SLC43A3: variants seen among roughly 807,000 people sequenced by gnomAD.
The protein encoded by SLC43A3 is equilibrative nucleobase transporter 1.
SLC43A3 carries 33 observed loss-of-function variants against 53.3 expected under a neutral mutation model. That is an observed-to-expected ratio of 0.62 (90% CI 0.47 to 0.83). SLC43A3 has a LOEUF of 0.83. Among genes scored for constraint, SLC43A3 ranks in the 40% least tolerant of loss-of-function variants. SLC43A3 has a pLI of 0.00. For missense variants in SLC43A3, 530 were observed against 610.0 expected, an observed-to-expected ratio of 0.87 and a Z score of 1.38; for synonymous variants, 236 against 246.2, an observed-to-expected ratio of 0.96 and a Z score of 0.39.
intron 11 of SLC43A3, among the ~76,000 whole-genome samples, chr11:57,413,992 G>A (rs559875181): frequency 7.4e-4 from 113 of 152,256 alleles, no homozygotes; most frequent in African/African-American, 2.5e-3. Flanking sequence ...GATTATGTGC[G>A]CTTCTTTGTG....
Position 57,414,629 on chromosome 11 carries a change from T to G in SLC43A3, c.1046A>C (p.Glu349Ala), listed in dbSNP as rs761955034. ...CCGCATCTCACCTGTCTTTCTTGCTTCCTTCTGGTACTTCTGTTTAAGCCG... is the reference window on the plus strand; with the variant it reads ...CCGCATCTCACCTGTCTTTCTTGCTGCCTTCTGGTACTTCTGTTTAAGCCG... ...MDRLKQKYQK[E>A]ARKTGSSTLA... Residue 349 changes from glutamate (E) to alanine (A), a missense_variant, in exon 11 of 14, where the codon GAA becomes GCA. By Grantham distance (107) the Glu-to-Ala change is moderately radical. Around this residue, in one of 3 missense-constraint regions of SLC43A3, gnomAD observed 376 missense variants for 386.7 expected, o/e 0.97. Coordinates refer to ENST00000395124, the MANE Select transcript of SLC43A3 (RefSeq NM_199329.3). 1 of 1,612,086 alleles carries G rather than the reference T, an allele frequency of 6.2e-7. No homozygotes were observed. The highest frequency in any genetic ancestry group is 8.5e-7 in the Non-Finnish European group (1 of 1,178,442).
At position 57,420,896 on chromosome 11, in the gene SLC43A3, CAAAT is replaced by C. The variant is rs547963830; in HGVS notation, c.531+72_531+75del. 2.6e-4 allele frequency: 258 copies of C among 1,002,956 alleles called. No homozygotes were observed. In the African/African-American group the frequency reaches 3.3e-3, roughly 13 times the overall value. The allele number at this position is 1,002,956 out of a possible 1,614,324, so 62.1% of individuals were successfully genotyped here. On this transcript the variant is annotated intron_variant, in intron 7 of 13. Coordinates refer to ENST00000395124, the MANE Select transcript of SLC43A3 (RefSeq NM_199329.3). ...ACCTACCTCACCGAGTTGATGGAGA[CAAAT>C]AATGCAGGTTCACAAGACAAGTGTC...
chr11:57,420,340 C>A (rs1942928377), intron 7 of SLC43A3, among the ~76,000 whole-genome samples: 1 of 152,346 alleles, frequency 6.6e-6, no homozygotes, highest in Non-Finnish European at 1.5e-5. Context: ...AGGACTGGAT[C>A]ATATGCTGAC....
chr11:57,409,821 G>T, intron 12 of SLC43A3, 114 bp downstream of exon 12: 1 of 999,400 alleles, frequency 1.0e-6, no homozygotes, highest in Non-Finnish European at 1.4e-6. Context: ...CCCAAACCCA[G>T]TCTCCCGCAC....
In SLC43A3 at chr11:57,407,092, G is replaced by A. The variant is rs1170679348; in HGVS notation, c.*700C>T. The A allele has an allele frequency of 6.6e-6, 1 of 152,238 alleles. No homozygotes were observed. The highest frequency in any genetic ancestry group is 1.5e-5 in the Non-Finnish European group (1 of 68,036). The allele number at this position is 152,238 out of a possible 1,614,324, so 9.4% of individuals were successfully genotyped here. On this transcript the variant is annotated 3_prime_UTR_variant, in exon 14 of 14. Transcript: ENST00000395124. ...AGTCTGTCAGAAATCCTTCGGTCAAGCAGGTCAGCTGGCTCCCATGGCCCT... is the reference window on the plus strand; with the variant it reads ...AGTCTGTCAGAAATCCTTCGGTCAAACAGGTCAGCTGGCTCCCATGGCCCT...
rs371888886 is a variant in SLC43A3, at chr11:57,407,744, G to A, written c.*48C>T. On this transcript the variant is annotated 3_prime_UTR_variant, in exon 14 of 14. Transcript: ENST00000395124. ...GGACACGAGGTCCTCAAAGGTGGTGGAAGATGAACAAAACCATCCTCGGGG... is the reference window on the plus strand; with the variant it reads ...GGACACGAGGTCCTCAAAGGTGGTGAAAGATGAACAAAACCATCCTCGGGG... 1.7e-6 allele frequency: 2 copies of A among 1,191,416 alleles called. No homozygotes were observed. Among genetic ancestry groups the A allele is most frequent in the Non-Finnish European group, 2.5e-6 (2 of 798,838 alleles). 73.8% of individuals were successfully genotyped at this position (1,191,416 alleles called of 1,614,324 possible).
chr11:57,420,885 G>C, intron 7 of SLC43A3, 87 bp downstream of exon 7: 2 of 910,556 alleles, frequency 2.2e-6, no homozygotes, highest in South Asian at 2.8e-5. Flanking sequence ...ACCTCACCGA[G>C]TTGATGGAGA....
intron 5 of SLC43A3, among the ~76,000 whole-genome samples, chr11:57,422,505 C>T (rs1943033985): frequency 6.6e-6 from 1 of 152,188 alleles, no homozygotes; most frequent in African/African-American, 2.4e-5. Context: ...CCCCTAACAT[C>T]CTCTTAACTA....
rs187350092 is a variant in SLC43A3, at chr11:57,418,055, A to C, written c.532-168T>G. ...ATTATTCAGCCTTAAAAAAGGAAAG[A>C]GGCAACCATGCTGGCTCACACCTAC... On this transcript the variant is annotated intron_variant, in intron 7 of 13. Transcript: ENST00000395124. 1.6e-4 allele frequency among the ~76,000 whole-genome samples: 25 copies of C among 152,334 alleles called. No homozygotes were observed. The South Asian group carries it at 3.3e-3, about 20-fold the overall frequency.
chr11:57,412,163 G>A (rs1383102206), intron 11 of SLC43A3, among the ~76,000 whole-genome samples: 1 of 152,124 alleles, frequency 6.6e-6, no homozygotes, highest in Non-Finnish European at 1.5e-5. Context: ...CACACCTAGT[G>A]AAATGGACCT....
At chr11:57,408,399 T>C (rs1001685324) in intron 13 of SLC43A3, 5 of 155,056 alleles carry the variant, frequency 3.2e-5, no homozygotes, top group African/African-American at 1.2e-4. Flanking sequence ...CCAGTGTCTA[T>C]CAAAAAAATA....
In SLC43A3 at chr11:57,415,066, G is replaced by A. The variant is rs1417821426; in HGVS notation, c.810C>T (p.Phe270=). 1 of 1,613,918 alleles carries A rather than the reference G, an allele frequency of 6.2e-7. No homozygotes were observed. Among genetic ancestry groups the A allele is most frequent in the Non-Finnish European group, 8.5e-7 (1 of 1,179,860 alleles). The change falls in exon 10 of 14, where the codon TTC becomes TTT. Residue 270 remains phenylalanine, a synonymous_variant. Coordinates refer to ENST00000395124, the MANE Select transcript of SLC43A3 (RefSeq NM_199329.3). ...GAGQKQELRS[F]WSYAFSRRFA... is the part of the protein sequence containing the mutation. ...AGCGCCGAGAGAAAGCGTAGCTCCA[G>A]AAGGAGCGGAGTTCCTGCTTCTGCC...
chr11:57,421,248 C>T (rs781472607), intron 6 of SLC43A3, 49 bp downstream of exon 6: 1 of 1,520,016 alleles, frequency 6.6e-7, no homozygotes, highest in Non-Finnish European at 9.1e-7. Context: ...TCCTTCCCTC[C>T]ACCTTCCCGC....
intron 9 of SLC43A3, 128 bp from the exon 10 acceptor site, chr11:57,415,234 C>A: frequency 6.5e-7 from 1 of 1,540,974 alleles, no homozygotes; most frequent in Non-Finnish European, 8.7e-7. Flanking sequence ...CCAGAACTCA[C>A]CCGGCGTGCT....
At position 57,416,625 on chromosome 11, in the gene SLC43A3, A is replaced by C. The variant is rs1252317069; in HGVS notation, c.717T>G (p.Ala239=). The C allele has an allele frequency of 6.2e-7, 1 of 1,614,042 alleles. No homozygotes were observed. The highest frequency in any genetic ancestry group is 8.5e-7 in the Non-Finnish European group (1 of 1,180,030). Residue 239 remains alanine (A), a synonymous_variant, in exon 9 of 14, where the codon GCT becomes GCG. Coordinates refer to ENST00000395124, the MANE Select transcript of SLC43A3 (RefSeq NM_199329.3). ...ACTGTAGCTCCCTGTTTTCATGCTC[A>C]GCTGTTTCCTTCTCTTCCTTTGTGG... ...NGTTKEEKET[A]EHENRELQSK...
chr11:57,417,771 T>G lies in SLC43A3; in HGVS notation c.648A>C (p.Pro216=), dbSNP rs200027779. The G allele has an allele frequency of 1.9e-6, 3 of 1,614,018 alleles. No individual in the cohort carries two copies. In the East Asian group the frequency reaches 6.7e-5, roughly 36 times the overall value. Residue 216 remains proline, a synonymous_variant, in exon 8 of 14, where the codon CCA becomes CCC. Coordinates refer to ENST00000395124, the MANE Select transcript of SLC43A3 (RefSeq NM_199329.3). ...LLMPRGHIPY[P]LPPNYSYGLC... ...ACCCATAGCTGTAGTTGGGGGGCAG[T>G]GGGTATGGGATGTGCCCCCGGGGCA...
chr11:57,417,788 C>T lies in SLC43A3; in HGVS notation c.631G>A (p.Gly211Arg), dbSNP rs1942789616. Residue 211 changes from glycine to arginine, a missense_variant, in exon 8 of 14, where the codon GGG becomes AGG. Gly to Arg is a moderately radical substitution (Grantham distance 125). Transcript: ENST00000395124. ...GGGGGCAGTGGGTATGGGATGTGCC[C>T]CCGGGGCATCAGGAGGAAAGTGCGT... Reference protein sequence around the residue: ...VARTFLLMPRGHIPYPLPPNY... With the variant: ...VARTFLLMPRRHIPYPLPPNY... 1 of 1,614,120 alleles carries T rather than the reference C, an allele frequency of 6.2e-7. No individual in the cohort carries two copies. Among genetic ancestry groups the T allele is most frequent in the Non-Finnish European group, 8.5e-7 (1 of 1,180,018 alleles).
At chr11:57,424,863 CT>C (rs1943140543) in intron 4 of SLC43A3, among the ~76,000 whole-genome samples, 2 of 152,366 alleles carry the variant, frequency 1.3e-5, no homozygotes, top group South Asian at 4.1e-4. Flanking sequence ...CTGCTCTGAG[CT>C]GTATCAGCCC....
At chr11:57,427,004 G>C (rs1590717314) in intron 1 of SLC43A3, 58 bp downstream of exon 1, 2 of 152,154 alleles carry the variant, frequency 1.3e-5, no homozygotes, top group Non-Finnish European at 2.9e-5. Context: ...AGAGGAGCCC[G>C]AGGGGCCAGG....
Sources: allele counts gnomAD v4.1 joint callset (sites outside exome capture counted in the v4.1 genomes callset), GRCh38; gene constraint gnomAD v4.1.1; regional missense constraint gnomAD v4.1.1; transcripts MANE v1.5; gene names NCBI Gene and HGNC (gene_info 2026-07-23, HGNC 2026-07-21).